GCFC2: variants seen among roughly 807,000 people sequenced by gnomAD.
GCFC2 encodes the protein intron Large complex component GCFC2.
A neutral mutation model predicts 99.4 loss-of-function variants in GCFC2; 102 were observed. The ratio of observed to expected loss-of-function variants is 1.03; its 90% CI spans 0.87 to 1.21. The LOEUF is 1.21. Among genes scored for constraint, GCFC2 ranks in the 50% most tolerant of loss-of-function variants. GCFC2 has a pLI of 0.00. For synonymous variants in GCFC2, 338 were observed against 316.8 expected, an observed-to-expected ratio of 1.07 and a Z score of -0.71; for missense variants, 973 against 920.9, an observed-to-expected ratio of 1.06 and a Z score of -0.73.
At chr2:75,677,212 T>C (rs1679380080) in intron 12 of GCFC2, among the ~76,000 whole-genome samples, 1 of 152,236 alleles carries the variant, frequency 6.6e-6, no homozygotes, top group African/African-American at 2.4e-5. Flanking sequence ...AATAATTTAC[T>C]TTAGATTTTT....
Position 75,701,237 on chromosome 2 carries a change from C to A in GCFC2, c.670G>T (p.Asp224Tyr). The change falls in exon 4 of 17, where the codon GAT becomes TAT. Residue 224 changes from aspartate (D) to tyrosine (Y), a missense_variant. By Grantham distance (160) the Asp-to-Tyr change is radical (BLOSUM62 -3). Transcript: ENST00000321027. ...SEESQEDEKQDTWEQQQMRKA... is the reference protein window; with the variant it reads ...SEESQEDEKQYTWEQQQMRKA... ...CTCATTTGCTGTTGTTCCCAAGTAT[C>A]TTGCTTTTCATCTTCCTGACTTTCT... 6.2e-7 allele frequency: 1 copy of A among 1,609,908 alleles called. No homozygotes were observed. The highest frequency in any genetic ancestry group is 8.5e-7 in the Non-Finnish European group (1 of 1,176,226).
intron 8 of GCFC2, 48 bp from the exon 9 acceptor site, chr2:75,690,129 G>A (rs1367040710): frequency 7.5e-6 from 8 of 1,073,338 alleles, no homozygotes; most frequent in Non-Finnish European, 1.1e-5. Context: ...AGTAGTTCTT[G>A]CTGAAAATAA....
At chr2:75,666,428 T>C (rs902058834) in intron 15 of GCFC2, among the ~76,000 whole-genome samples, 1 of 152,192 alleles carries the variant, frequency 6.6e-6, no homozygotes, top group Non-Finnish European at 1.5e-5. Context: ...ACTATTATTT[T>C]ATAAAGAAAT....
chr2:75,697,562 A>C (rs572921568), intron 4 of GCFC2: 1 of 152,310 alleles, frequency 6.6e-6, no homozygotes, highest in Non-Finnish European at 1.5e-5. Context: ...GTAGGATTTC[A>C]CTATAATTGT....
chr2:75,670,205 T>C lies in GCFC2; in HGVS notation c.2036A>G (p.Asn679Ser), dbSNP rs144822009. ...GAGAAGTGCTATAATAAGGTAACGA[T>C]TTAGCAGCTTCCCTAGTCCTAGTTC... ...LQELGLGKLL[N>S]RYLIIALLNA... The change falls in exon 15 of 17, where the codon AAT becomes AGT. Residue 679 changes from asparagine (N) to serine (S), a missense_variant. Transcript: ENST00000321027. The C allele has an allele frequency of 4.9e-5, 79 of 1,608,220 alleles. No homozygotes were observed. The East Asian group carries it at 1.7e-3, about 35-fold the overall frequency.
At chr2:75,698,790 C>T (rs1680445695) in intron 4 of GCFC2, among the ~76,000 whole-genome samples, 1 of 151,930 alleles carries the variant, frequency 6.6e-6, no homozygotes, top group Admixed American at 6.6e-5. Context: ...GGTGGGCAGA[C>T]TGCCTGAGCT....
intron 14 of GCFC2, among the ~76,000 whole-genome samples, chr2:75,671,289 TGCCATTCATGACCATGGCTCCAA>T (rs1175166294): frequency 6.6e-6 from 1 of 152,198 alleles, no homozygotes; most frequent in African/African-American, 2.4e-5. Context: ...TTACGCAGCT[TGCCATTCATGACCATGGCTCCAA>T]ATATTACCTA....
upstream of GCFC2, chr2:75,710,936 TC>T: frequency 7.3e-7 from 1 of 1,373,976 alleles, no homozygotes; most frequent in Non-Finnish European, 9.3e-7. Flanking sequence ...TAGGGCGCGC[TC>T]CCGCCGCGCC....
At chr2:75,705,671 C>T (rs1040371453) in intron 2 of GCFC2, among the ~76,000 whole-genome samples, 9 of 148,432 alleles carry the variant, frequency 6.1e-5, no homozygotes, top group Middle Eastern at 3.6e-3. Context: ...ATATTACAAG[C>T]GTCATAAAAT....
intron 1 of GCFC2, chr2:75,710,337 A>C (rs1573103485): frequency 1.3e-6 from 1 of 741,882 alleles, no homozygotes; most frequent in South Asian, 3.7e-5. Flanking sequence ...CTGATGGTGA[A>C]AACGAAGAGC....
intron 3 of GCFC2, 132 bp downstream of exon 3, chr2:75,702,067 A>C: frequency 6.9e-7 from 1 of 1,455,448 alleles, no homozygotes; most frequent in Non-Finnish European, 9.0e-7. Context: ...AATATCATGG[A>C]CCAAATCGAT....
At chr2:75,678,583 C>T (rs1679444717) in intron 12 of GCFC2, among the ~76,000 whole-genome samples, 1 of 152,142 alleles carries the variant, frequency 6.6e-6, no homozygotes, top group South Asian at 2.1e-4. Flanking sequence ...CTGTCTCTCT[C>T]CTGAAGACAC....
rs549096588 is a variant in GCFC2, at chr2:75,667,828, G to A, written c.2104-1775C>T. The stretch of plus-strand genomic sequence containing the variant: ...CTTCATAATAGACCCTATGGTCAAA[G>A]GGGACTAAACTAAACCTGAACAACA... On this transcript the variant is annotated intron_variant, in intron 15 of 16. Coordinates refer to ENST00000321027, the MANE Select transcript of GCFC2 (RefSeq NM_003203.5). Among the ~76,000 whole-genome samples the A allele has an allele frequency of 3.9e-5, 6 of 152,198 alleles. No individual in the cohort carries two copies. In the South Asian group the frequency reaches 1.2e-3, roughly 32 times the overall value.
chr2:75,700,249 T>A (rs565669498), intron 4 of GCFC2, among the ~76,000 whole-genome samples: 2 of 152,200 alleles, frequency 1.3e-5, no homozygotes, highest in Non-Finnish European at 2.9e-5. Context: ...TTTGTTTACA[T>A]CTTTTAAAAA....
chr2:75,670,030 G>T, intron 15 of GCFC2, 108 bp downstream of exon 15: 1 of 686,250 alleles, frequency 1.5e-6, no homozygotes, highest in Non-Finnish European at 2.4e-6. Context: ...TGGCCCATTT[G>T]TCTATATATG....
In GCFC2 at chr2:75,706,880, C is replaced by G. The variant is rs576580792; in HGVS notation, c.266-229G>C. Among the ~76,000 whole-genome samples, 62 of 149,774 alleles carry G rather than the reference C, an allele frequency of 4.1e-4. 1 individual carries two copies. The highest frequency in any genetic ancestry group is 1.5e-3 in the African/African-American group (61 of 40,696). On this transcript the variant is annotated intron_variant, in intron 1 of 16. Coordinates refer to ENST00000321027, the MANE Select transcript of GCFC2 (RefSeq NM_003203.5). ...ATCTAGGCATCTAATAATATATTTC[C>G]AAAAGTATGCAATGAGAAAAGGGAA... is the stretch of plus-strand genomic sequence containing the variant.
intron 12 of GCFC2, among the ~76,000 whole-genome samples, chr2:75,679,539 G>T (rs887744933): frequency 6.6e-6 from 1 of 152,142 alleles, no homozygotes. Flanking sequence ...CTAGATCATT[G>T]TAAGATTAAG....
At chr2:75,699,988 C>T (rs1318643828) in intron 4 of GCFC2, among the ~76,000 whole-genome samples, 1 of 150,268 alleles carries the variant, frequency 6.7e-6, no homozygotes, top group Non-Finnish European at 1.5e-5. Flanking sequence ...GCAGCCTTGA[C>T]CTCCTGGGCT....
intron 15 of GCFC2, among the ~76,000 whole-genome samples, chr2:75,668,427 T>C (rs1175805350): frequency 3.3e-5 from 5 of 152,218 alleles, no homozygotes. Flanking sequence ...CTTTTCCCTG[T>C]AACTGGTTGC....
Sources: allele counts gnomAD v4.1 joint callset (sites outside exome capture counted in the v4.1 genomes callset), GRCh38; gene constraint gnomAD v4.1.1; transcripts MANE v1.5; gene names NCBI Gene and HGNC (gene_info 2026-07-23, HGNC 2026-07-21).